Variants in ATP9A observed in about 807,000 individuals in gnomAD.
ATP9A encodes probable phospholipid-transporting ATPase IIA.
In ATP9A, 52 loss-of-function variants were observed where a neutral mutation model predicts 144.1. That is an observed-to-expected ratio of 0.36 (90% confidence interval 0.29 to 0.45). ATP9A has a LOEUF of 0.45. Ranked by LOEUF, ATP9A falls within the 20% of genes least tolerant of loss-of-function variation. The pLI is 1.00. For synonymous variants in ATP9A, 582 were observed against 557.4 expected, an observed-to-expected ratio of 1.04 and a Z score of -0.62; for missense variants, 947 against 1,392.7, an observed-to-expected ratio of 0.68 and a Z score of 5.09.
chr20:51,692,364 T>C (rs1368494351), intron 7 of ATP9A, among the ~76,000 whole-genome samples: 4 of 152,188 alleles, frequency 2.6e-5, no homozygotes, highest in African/African-American at 7.2e-5. Flanking sequence ...CAAAGCAGCA[T>C]ATGTGAAGTG....
intron 15 of ATP9A, among the ~76,000 whole-genome samples, chr20:51,635,844 A>AGG (rs1568795852): frequency 4.2e-4 from 5 of 11,908 alleles, no homozygotes; most frequent in Admixed American, 7.3e-4. Context: ...GAGGGAGGGA[A>AGG]AAAGGAAGGA....
chr20:51,616,940 CT>C (rs556430829), intron 22 of ATP9A, among the ~76,000 whole-genome samples: 41,033 of 130,996 alleles, frequency 0.31, 5,526 homozygotes, highest in African/African-American at 0.35. Flanking sequence ...TATAGAGAAA[CT>C]TTTTTTTTTT....
intron 13 of ATP9A, among the ~76,000 whole-genome samples, chr20:51,662,080 G>A (rs982929911): frequency 3.3e-5 from 5 of 152,120 alleles, no homozygotes; most frequent in African/African-American, 4.8e-5. Flanking sequence ...CCATGACAAA[G>A]AATAATCCAG....
intron 12 of ATP9A, among the ~76,000 whole-genome samples, chr20:51,670,545 C>A (rs2077451663): frequency 1.3e-5 from 2 of 152,182 alleles, no homozygotes; most frequent in East Asian, 1.9e-4. Flanking sequence ...TTCCTGGTGG[C>A]TCTCCTTCCA....
chr20:51,700,508 C>T (rs2077588739), intron 4 of ATP9A, among the ~76,000 whole-genome samples: 1 of 152,068 alleles, frequency 6.6e-6, no homozygotes, highest in Non-Finnish European at 1.5e-5. Flanking sequence ...GGCAAAAGAA[C>T]AAGACCCTGC....
rs756073112 is a variant in ATP9A at position 51,768,295 on chromosome 20, C to T, written c.68+7G>A. ...ACAAAGGAAAACACGGGCCCAGGCC[C>T]ACTCACCCGGCGCGGGGCCTGCTGT... On this transcript the variant is annotated splice_region_variant and intron_variant, in intron 1 of 27. Transcript: ENST00000338821. 6.2e-6 allele frequency: 8 copies of T among 1,289,346 alleles called. No individual in the cohort carries two copies. In the South Asian group the frequency reaches 1.7e-4, roughly 28 times the overall value. 79.9% of individuals were successfully genotyped at this position (1,289,346 alleles called of 1,614,324 possible).
chr20:51,660,371 G>T (rs1380532866), intron 13 of ATP9A, among the ~76,000 whole-genome samples: 2 of 152,284 alleles, frequency 1.3e-5, no homozygotes, highest in East Asian at 3.9e-4. Flanking sequence ...ACAGAGCCAT[G>T]GGATTTTGTA....
intron 22 of ATP9A, among the ~76,000 whole-genome samples, chr20:51,616,253 C>G (rs2077202501): frequency 6.6e-6 from 1 of 152,166 alleles, no homozygotes; most frequent in Admixed American, 6.5e-5. Flanking sequence ...AGCTATGCAA[C>G]AGGATGGACA....
chr20:51,766,959 C>T (rs1003375322), intron 1 of ATP9A, among the ~76,000 whole-genome samples: 2 of 152,074 alleles, frequency 1.3e-5, no homozygotes, highest in Non-Finnish European at 2.9e-5. Context: ...CCCTATAGCC[C>T]TTAACCTCCG....
Position 51,604,818 on chromosome 20 carries a change from G to T in ATP9A, c.3006C>A (p.Ile1002=). ...GGTTTAAGCATTCAGGGGTCTTACCGATGAACTCGTGTAAGAACACCAGGG... is the reference window on the plus strand; with the variant it reads ...GGTTTAAGCATTCAGGGGTCTTACCTATGAACTCGTGTAAGAACACCAGGG... The part of the protein sequence containing the change: ...IASLVFLHEF[I]DVYFIATLSF... The change falls in exon 27 of 28, where the codon ATC becomes ATA. Residue 1002 remains isoleucine (I), a splice_region_variant and synonymous_variant. Coordinates refer to ENST00000338821, the MANE Select transcript of ATP9A (RefSeq NM_006045.3). 1 of 1,497,552 alleles carries T rather than the reference G, an allele frequency of 6.7e-7. No homozygotes were observed. Among genetic ancestry groups the T allele is most frequent in the Non-Finnish European group, 8.9e-7 (1 of 1,117,476 alleles). The allele number at this position is 1,497,552 out of a possible 1,614,324, so 92.8% of individuals were successfully genotyped here. A position where few individuals can be genotyped will look rare whatever the true frequency, so the allele number is the denominator to read the frequency against.
At chr20:51,688,982 A>G in intron 9 of ATP9A, 82 bp downstream of exon 9, 1 of 1,461,674 alleles carries the variant, frequency 6.8e-7, no homozygotes, top group Non-Finnish European at 9.6e-7. Flanking sequence ...CATTTTTCCA[A>G]CTGACAGATG....
At position 51,670,954 on chromosome 20, in the gene ATP9A, T is replaced by G. The variant is rs558092241; in HGVS notation, c.1180+161A>C. On this transcript the variant is annotated intron_variant, in intron 12 of 27. Transcript: ENST00000338821. ...TATTCTGCACATAATTCTGTTATCA[T>G]CATCTTCATCACCAAAGAATCTTCA... Among the ~76,000 whole-genome samples, 4 of 152,252 alleles carry G rather than the reference T, an allele frequency of 2.6e-5. No individual in the cohort carries two copies. The South Asian group carries it at 8.3e-4, about 32-fold the overall frequency.
In ATP9A at chr20:51,697,456, T is replaced by A. The variant is rs766191653; in HGVS notation, c.463A>T (p.Ile155Phe). Residue 155 changes from isoleucine (I) to phenylalanine (F), a missense_variant, in exon 5 of 28, where the codon ATC becomes TTC. Coordinates refer to ENST00000338821, the MANE Select transcript of ATP9A (RefSeq NM_006045.3). ...RGTVKVKSSN[I>F]QVGDLIIVEK... The stretch of plus-strand genomic sequence containing the variant: ...ACGATGATAAGGTCTCCAACTTGGA[T>A]GTTAGAACTCTTCACCTTCACTGTG... 1 of 1,613,722 alleles carries A rather than the reference T, an allele frequency of 6.2e-7. No homozygotes were observed. The highest frequency in any genetic ancestry group is 8.5e-7 in the Non-Finnish European group (1 of 1,179,850).
Position 51,596,846 on chromosome 20 carries a change from C to T in ATP9A, c.*4365G>A, listed in dbSNP as rs1393783576. On this transcript the variant is annotated 3_prime_UTR_variant, in exon 28 of 28. Transcript: ENST00000338821. ...GGCAAACAATGAAAGTAGAGTCGCT[C>T]AGAAACACGAAAGATCATATGTGTG... 1 of 152,186 alleles carries T rather than the reference C, an allele frequency of 6.6e-6. No individual in the cohort carries two copies. The highest frequency in any genetic ancestry group is 1.5e-5 in the Non-Finnish European group (1 of 68,032). The allele number at this position is 152,186 out of a possible 1,614,324, so 9.4% of individuals were successfully genotyped here.
At chr20:51,606,356 G>A (rs6021309) in intron 26 of ATP9A, among the ~76,000 whole-genome samples, 92,958 of 151,842 alleles carry the variant, frequency 0.61, 30,994 homozygotes, top group African/African-American at 0.9. Flanking sequence ...CATTTCACAT[G>A]TATATTATAT....
chr20:51,651,873 G>A (rs916238303), intron 14 of ATP9A, among the ~76,000 whole-genome samples: 16 of 152,074 alleles, frequency 1.1e-4, no homozygotes, highest in Admixed American at 7.2e-4. Context: ...AGATTGCAGT[G>A]AGCCAAGATC....
chr20:51,620,507 T>C (rs1387352933), intron 19 of ATP9A, among the ~76,000 whole-genome samples: 1 of 152,162 alleles, frequency 6.6e-6, no homozygotes, highest in African/African-American at 2.4e-5. Flanking sequence ...TAAAGACACC[T>C]GGATTCATTA....
intron 14 of ATP9A, among the ~76,000 whole-genome samples, chr20:51,641,878 C>T (rs1200138885): frequency 1.3e-5 from 2 of 149,476 alleles, no homozygotes; most frequent in Non-Finnish European, 3.0e-5. Flanking sequence ...GGAGGTGATG[C>T]CTCCCAAGTA....
chr20:51,650,403 G>A (rs926732385), intron 14 of ATP9A, among the ~76,000 whole-genome samples: 23 of 151,872 alleles, frequency 1.5e-4, no homozygotes, highest in African/African-American at 3.6e-4. Context: ...GCGTGATGGC[G>A]TGCACCTGTA....
Sources: allele counts gnomAD v4.1 joint callset (sites outside exome capture counted in the v4.1 genomes callset), GRCh38; gene constraint gnomAD v4.1.1; transcripts MANE v1.5; gene names NCBI Gene and HGNC (gene_info 2026-07-23, HGNC 2026-07-21).